Variants in MCTP1 observed in about 807,000 individuals in gnomAD.
The protein encoded by MCTP1 is multiple C2 and transmembrane domain containing 1.
A neutral mutation model predicts 120.6 loss-of-function variants in MCTP1; 69 were observed. The observed-to-expected ratio is 0.57, with a 90% CI of 0.47 to 0.70. The LOEUF (loss-of-function observed/expected upper bound fraction) is 0.70. MCTP1 is among the 30% of genes least tolerant of loss of function. The probability of loss-of-function intolerance (pLI) is 0.00; values close to 1 mark genes in which losing one functional copy is unlikely to be tolerated. For missense variants in MCTP1, 1,203 were observed against 1,248.8 expected, an observed-to-expected ratio of 0.96 and a Z score of 0.55; for synonymous variants, 529 against 493.1, an observed-to-expected ratio of 1.07 and a Z score of -0.96.
At chr5:95,226,921 G>T (rs1304319190) in intron 1 of MCTP1, among the ~76,000 whole-genome samples, 1 of 151,924 alleles carries the variant, frequency 6.6e-6, no homozygotes, top group Admixed American at 6.6e-5. Flanking sequence ...TCAGATAAAG[G>T]GGAGACTACA....
At chr5:94,885,129 A>T (rs1800975289) in intron 12 of MCTP1, among the ~76,000 whole-genome samples, 1 of 151,986 alleles carries the variant, frequency 6.6e-6, no homozygotes, top group Non-Finnish European at 1.5e-5. Context: ...TGGTGCATTA[A>T]TTTGAGAGAT....
In MCTP1 at chr5:95,283,953, T is replaced by C; in HGVS notation, c.623A>G (p.Glu208Gly). 7.1e-7 allele frequency: 1 copy of C among 1,413,898 alleles called. No individual in the cohort carries two copies. Among genetic ancestry groups the C allele is most frequent in the Admixed American group, 3.3e-5 (1 of 30,140 alleles). 87.6% of individuals were successfully genotyped at this position (1,413,898 alleles called of 1,614,324 possible). A position where few individuals can be genotyped will look rare whatever the true frequency, so the allele number is the denominator to read the frequency against. Reference protein sequence around the residue: ...SSSLPGTACLEQLLEPPPPPA... With the variant: ...SSSLPGTACLGQLLEPPPPPA... ...AGGAGGCGGCGGCTCCAGCAGCTGC[T>C]CCAGGCAGGCGGTGCCCGGCAGAGA... The change falls in exon 1 of 23, where the codon GAG (glutamate) becomes GGG (glycine). Residue 208 changes from glutamate (E) to glycine (G), a missense_variant. By Grantham distance (98) the Glu-to-Gly change is moderately conservative. Coordinates refer to ENST00000515393, the MANE Select transcript of MCTP1 (RefSeq NM_024717.7).
At chr5:95,239,623 C>T (rs385225) in intron 1 of MCTP1, among the ~76,000 whole-genome samples, 52,586 of 151,884 alleles carry the variant, frequency 0.35, 9,255 homozygotes, top group East Asian at 0.48. Context: ...TGTTCAATGA[C>T]TTTGCTAATT....
intron 1 of MCTP1, among the ~76,000 whole-genome samples, chr5:95,081,134 G>C (rs1218968790): frequency 6.6e-6 from 1 of 151,524 alleles, no homozygotes; most frequent in Non-Finnish European, 1.5e-5. Context: ...AATCCTTCAA[G>C]AAAACAAAAC....
intron 2 of MCTP1, among the ~76,000 whole-genome samples, chr5:94,958,124 C>G (rs1823128532): frequency 6.6e-6 from 1 of 152,210 alleles, no homozygotes; most frequent in Non-Finnish European, 1.5e-5. Flanking sequence ...TCACTCAAAA[C>G]TGCACAACTA....
rs116689200 is a variant in MCTP1, at chr5:95,267,263, C to T, written c.720+16593G>A. On this transcript the variant is annotated intron_variant, in intron 1 of 22. Coordinates refer to ENST00000515393, the MANE Select transcript of MCTP1 (RefSeq NM_024717.7). ...CCTCTCCAAAGTTTTTCATTTTTTT[C>T]CCACCCTAACTTCAGGAAAGAAGTT... 6.7e-3 allele frequency among the ~76,000 whole-genome samples: 1,020 copies of T among 152,160 alleles called. 12 individuals carry two copies. The highest frequency in any genetic ancestry group is 0.023 in the African/African-American group (964 of 41,538).
chr5:94,794,800 A>G (rs255345), intron 18 of MCTP1, among the ~76,000 whole-genome samples: 137,276 of 152,246 alleles, frequency 0.9, 62,233 homozygotes, highest in African/African-American at 0.95. Context: ...TGAGAGATAT[A>G]GAAGACATGG....
At chr5:95,172,910 A>G (rs1747510218) in intron 1 of MCTP1, among the ~76,000 whole-genome samples, 1 of 152,192 alleles carries the variant, frequency 6.6e-6, no homozygotes, top group Non-Finnish European at 1.5e-5. Context: ...CAATAAGTAT[A>G]TGCATTCATT....
chr5:94,846,131 C>T (rs1268652608), intron 17 of MCTP1, among the ~76,000 whole-genome samples: 1 of 152,134 alleles, frequency 6.6e-6, no homozygotes, highest in African/African-American at 2.4e-5. Context: ...GGCTATTCGG[C>T]CCAGTAATCC....
intron 1 of MCTP1, among the ~76,000 whole-genome samples, chr5:95,076,642 G>A (rs545697475): frequency 2.0e-5 from 3 of 152,106 alleles, no homozygotes; most frequent in Admixed American, 1.3e-4. Context: ...ATTTCTAAGC[G>A]AGGGAAATCA....
intron 19 of MCTP1, among the ~76,000 whole-genome samples, chr5:94,743,381 C>A (rs925282512): frequency 4.0e-5 from 6 of 150,646 alleles, no homozygotes; most frequent in African/African-American, 1.2e-4. Context: ...AGGAAAAACA[C>A]AGCAGAGAAG....
At chr5:95,244,893 C>A (rs10058623) in intron 1 of MCTP1, among the ~76,000 whole-genome samples, 22,996 of 152,022 alleles carry the variant, frequency 0.15, 1,894 homozygotes, top group Non-Finnish European at 0.19. Flanking sequence ...CCTCAAGTGT[C>A]GCCTGACTGG....
At chr5:94,878,416 C>T (rs57569060) in intron 12 of MCTP1, among the ~76,000 whole-genome samples, 1,935 of 152,098 alleles carry the variant, frequency 0.013, 34 homozygotes, top group African/African-American at 0.043. Flanking sequence ...AATAATAAGA[C>T]TTCTTTTTTT....
chr5:94,951,893 CG>C lies in MCTP1; in HGVS notation c.981+1325del, dbSNP rs1464031494. Among the ~76,000 whole-genome samples, 52 of 151,970 alleles carry C rather than the reference CG, an allele frequency of 3.4e-4. 1 individual carries two copies. Among genetic ancestry groups the C allele is most frequent in the African/African-American group, 1.3e-3 (52 of 41,362 alleles). ...ACAGTTCAAAAACGCTATTTAAGGCCGGGCACGGTGGCTCATGCCTATAATC... is the reference window on the plus strand; with the variant it reads ...ACAGTTCAAAAACGCTATTTAAGGCCGGCACGGTGGCTCATGCCTATAATC... On this transcript the variant is annotated intron_variant, in intron 3 of 22. Coordinates refer to ENST00000515393, the MANE Select transcript of MCTP1 (RefSeq NM_024717.7).
chr5:94,858,991 A>G (rs1795228499), intron 17 of MCTP1, among the ~76,000 whole-genome samples: 1 of 151,674 alleles, frequency 6.6e-6, no homozygotes, highest in African/African-American at 2.4e-5. Context: ...CCCACTGTGG[A>G]GAAATGTGTT....
intron 1 of MCTP1, among the ~76,000 whole-genome samples, chr5:95,065,811 C>G (rs1291583157): frequency 6.6e-6 from 1 of 152,050 alleles, no homozygotes; most frequent in African/African-American, 2.4e-5. Context: ...TATCCACACG[C>G]AGAAGAATGA....
intron 6 of MCTP1, among the ~76,000 whole-genome samples, chr5:94,930,107 C>T (rs1351473557): frequency 1.3e-5 from 2 of 151,862 alleles, no homozygotes; most frequent in East Asian, 3.9e-4. Flanking sequence ...TAAATATAAA[C>T]TCCAAGAATT....
chr5:95,192,231 C>T (rs1399193415), intron 1 of MCTP1, among the ~76,000 whole-genome samples: 2 of 151,858 alleles, frequency 1.3e-5, no homozygotes, highest in Non-Finnish European at 2.9e-5. Flanking sequence ...TTTTTTCCAA[C>T]ATGTGGTGAG....
Position 94,714,837 on chromosome 5 carries a change from A to G in MCTP1, c.2660T>C (p.Val887Ala). ...TAGGATGTTCTGGACACTGACACAT[A>G]CCTCCTGGATGGCATAGATTTTATT... ...FINKIYAIQE[V>A]CVSVQNILDE... The change falls in exon 20 of 23, where the codon GTA becomes GCA. Residue 887 changes from valine (V) to alanine (A), a missense_variant. Physicochemically the swap from Val to Ala is moderately conservative, Grantham distance 64 (BLOSUM62 0). Around this residue, in one of 2 missense-constraint regions of MCTP1, gnomAD observed 740 missense variants for 871.1 expected, o/e 0.85. Coordinates refer to ENST00000515393, the MANE Select transcript of MCTP1 (RefSeq NM_024717.7). 1 of 1,613,004 alleles carries G rather than the reference A, an allele frequency of 6.2e-7. No individual in the cohort carries two copies. Among genetic ancestry groups the G allele is most frequent in the Non-Finnish European group, 8.5e-7 (1 of 1,179,176 alleles).
Sources: allele counts gnomAD v4.1 joint callset (sites outside exome capture counted in the v4.1 genomes callset), GRCh38; gene constraint gnomAD v4.1.1; regional missense constraint gnomAD v4.1.1; transcripts MANE v1.5; gene names NCBI Gene and HGNC (gene_info 2026-07-23, HGNC 2026-07-21).